Variants in ALPK2 observed in about 807,000 individuals in gnomAD.
ALPK2 encodes alpha-protein kinase 2.
A neutral mutation model predicts 163.1 loss-of-function variants in ALPK2; 127 were observed. The ratio of observed to expected loss-of-function variants is 0.78; its 90% CI spans 0.67 to 0.90. The LOEUF (loss-of-function observed/expected upper bound fraction) is 0.90. Among genes scored for constraint, ALPK2 ranks in the 40% least tolerant of loss-of-function variants. The pLI is 0.00. For synonymous variants in ALPK2, 953 were observed against 959.1 expected, an observed-to-expected ratio of 0.99 and a Z score of 0.12; for missense variants, 2,360 against 2,589.6, an observed-to-expected ratio of 0.91 and a Z score of 1.92.
intron 4 of ALPK2, among the ~76,000 whole-genome samples, chr18:58,539,542 A>T (rs775645940): frequency 2.6e-5 from 4 of 152,218 alleles, no homozygotes; most frequent in Non-Finnish European, 5.9e-5. Context: ...TGTCCAGCCA[A>T]GGAGAAGAAA....
intron 10 of ALPK2, among the ~76,000 whole-genome samples, chr18:58,513,200 TTATGTG>T (rs1358790135): frequency 5.3e-5 from 8 of 149,990 alleles, no homozygotes; most frequent in African/African-American, 2.0e-4. Flanking sequence ...GTGGGTGTGT[TTATGTG>T]TATGGTGAGT....
intron 12 of ALPK2, among the ~76,000 whole-genome samples, chr18:58,489,940 G>T (rs2051364160): frequency 1.3e-5 from 2 of 152,146 alleles, no homozygotes; most frequent in South Asian, 4.2e-4. Context: ...AATTAGCTGG[G>T]TGTGGTACCG....
intron 8 of ALPK2, among the ~76,000 whole-genome samples, chr18:58,518,663 G>A (rs2051534666): frequency 6.6e-6 from 1 of 152,140 alleles, no homozygotes; most frequent in Non-Finnish European, 1.5e-5. Context: ...GAAGAACAAA[G>A]GTTAATGACT....
chr18:58,491,230 A>G (rs1447930795), intron 12 of ALPK2, among the ~76,000 whole-genome samples: 2 of 152,256 alleles, frequency 1.3e-5, no homozygotes, highest in Non-Finnish European at 2.9e-5. Context: ...GCAGAGGCCA[A>G]ACTAACTTGG....
chr18:58,495,033 C>T (rs1328631796), intron 12 of ALPK2, among the ~76,000 whole-genome samples: 3 of 104,294 alleles, frequency 2.9e-5, no homozygotes, highest in African/African-American at 1.3e-4. Context: ...AAGCAGGCTG[C>T]CCCATGCCCC....
At chr18:58,617,166 G>T (rs2052174353) in intron 1 of ALPK2, among the ~76,000 whole-genome samples, 1 of 152,082 alleles carries the variant, frequency 6.6e-6, no homozygotes, top group Non-Finnish European at 1.5e-5. Flanking sequence ...ATTGTGGCAA[G>T]TTTCTTTTTA....
At chr18:58,565,818 G>A (rs1021637648) in intron 4 of ALPK2, among the ~76,000 whole-genome samples, 3 of 146,650 alleles carry the variant, frequency 2.0e-5, no homozygotes, top group Non-Finnish European at 4.5e-5. Context: ...TCTTTTTTGA[G>A]ATGGAGTCTT....
intron 4 of ALPK2, among the ~76,000 whole-genome samples, chr18:58,539,265 T>A (rs910464990): frequency 6.6e-6 from 1 of 151,970 alleles, no homozygotes; most frequent in Non-Finnish European, 1.5e-5. Flanking sequence ...TTAAAATAGA[T>A]GCCCAGTGGC....
intron 3 of ALPK2, among the ~76,000 whole-genome samples, chr18:58,599,760 C>T (rs1167634419): frequency 2.0e-5 from 3 of 152,152 alleles, no homozygotes; most frequent in Non-Finnish European, 4.4e-5. Context: ...AAATTCTTTG[C>T]ATGTGTTGAT....
At position 58,580,427 on chromosome 18, in the gene ALPK2, G is replaced by C; in HGVS notation, c.349C>G (p.Leu117Val). 1 of 1,614,138 alleles carries C rather than the reference G, an allele frequency of 6.2e-7. No individual in the cohort carries two copies. The highest frequency in any genetic ancestry group is 1.1e-5 in the South Asian group (1 of 91,082). The change falls in exon 4 of 13, where the codon CTG becomes GTG. Residue 117 changes from leucine to valine, a missense_variant. Coordinates refer to ENST00000361673, the MANE Select transcript of ALPK2 (RefSeq NM_052947.4). ...CAACCCCTGTCCCTGTCATCTTCCA[G>C]GTTAGGAGACAATTGTGGGTTCTCT... Reference protein sequence around the residue: ...SSENPQLSPNLEDDRDRGWKH... With the variant: ...SSENPQLSPNVEDDRDRGWKH...
At position 58,580,053 on chromosome 18, in the gene ALPK2, C is replaced by T. The variant is rs2051948848; in HGVS notation, c.723G>A (p.Lys241=). 4 of 1,614,154 alleles carry T rather than the reference C, an allele frequency of 2.5e-6. No homozygotes were observed. The East Asian group carries it at 6.7e-5, about 27-fold the overall frequency. The change falls in exon 4 of 13, where the codon AAG becomes AAA. Residue 241 remains lysine (K), a synonymous_variant. Transcript: ENST00000361673. ...CHKTVHSMAS[K]FTDGDLNNDG... The stretch of plus-strand genomic sequence containing the variant: ...CATTGTTCAGGTCACCATCCGTGAA[C>T]TTTGATGCCATGGAATGCACTGTCT...
chr18:58,569,462 T>A (rs1255226847), intron 4 of ALPK2, among the ~76,000 whole-genome samples: 2 of 152,194 alleles, frequency 1.3e-5, no homozygotes, highest in African/African-American at 2.4e-5. Flanking sequence ...GGACTGGGGC[T>A]ATTGGAACTT....
rs763111188 is a variant in ALPK2 at position 58,579,822 on chromosome 18, G to A, written c.954C>T (p.Tyr318=). 2.5e-6 allele frequency: 4 copies of A among 1,614,190 alleles called. No homozygotes were observed. In the East Asian group the frequency reaches 8.9e-5, roughly 36 times the overall value. ...GGTCATCATCTGAAAACTCCTCGGTGTAGGTTAGGGTTATCTCTGGGCAAA... is the reference window on the plus strand; with the variant it reads ...GGTCATCATCTGAAAACTCCTCGGTATAGGTTAGGGTTATCTCTGGGCAAA... The part of the protein sequence containing the change: ...YELCPEITLT[Y]TEEFSDDDLE... Residue 318 remains tyrosine (Y), a synonymous_variant, in exon 4 of 13, where the codon TAC becomes TAT. Transcript: ENST00000361673.
At position 58,516,975 on chromosome 18, in the gene ALPK2, T is replaced by C; in HGVS notation, c.5873A>G (p.Asn1958Ser). Residue 1958 changes from asparagine (N) to serine (S), a missense_variant, in exon 9 of 13, where the codon AAT (asparagine) becomes AGT (serine). By Grantham distance (46) the Asn-to-Ser change is conservative. Coordinates refer to ENST00000361673, the MANE Select transcript of ALPK2 (RefSeq NM_052947.4). ...ATTTCTGGTCCCATAGGCAATGGCA[T>C]TGTGCACCTTAAGCACACAGGCATG... ...PGHACVLKVH[N>S]AIAYGTRNND... 1 of 1,614,196 alleles carries C rather than the reference T, an allele frequency of 6.2e-7. No homozygotes were observed. Among genetic ancestry groups the C allele is most frequent in the Non-Finnish European group, 8.5e-7 (1 of 1,180,026 alleles).
In ALPK2 at chr18:58,516,197, G is replaced by A. The variant is rs1031825544; in HGVS notation, c.5940+711C>T. Among the ~76,000 whole-genome samples the A allele has an allele frequency of 2.6e-5, 4 of 151,786 alleles. No homozygotes were observed. The South Asian group carries it at 6.3e-4, about 24-fold the overall frequency. ...ATCATGCCACTGTACTCCAGCCTGG[G>A]GGAAAGAGTGAGACACTGTCTCAAA... is the stretch of plus-strand genomic sequence containing the variant. On this transcript the variant is annotated intron_variant, in intron 9 of 12. Transcript: ENST00000361673.
chr18:58,543,028 A>T (rs541427546), intron 4 of ALPK2, among the ~76,000 whole-genome samples: 1 of 152,186 alleles, frequency 6.6e-6, no homozygotes, highest in African/African-American at 2.4e-5. Context: ...AGAGGGATTA[A>T]TCCATTTATG....
intron 5 of ALPK2, among the ~76,000 whole-genome samples, chr18:58,531,671 G>A (rs1200210817): frequency 5.9e-5 from 8 of 136,354 alleles, no homozygotes; most frequent in South Asian, 4.6e-4. Flanking sequence ...AAAAAAGGAC[G>A]GGCATGCGGG....
rs1196543406 is a variant in ALPK2 at position 58,538,197 on chromosome 18, T to C, written c.1990A>G (p.Thr664Ala). The C allele has an allele frequency of 1.2e-6, 2 of 1,611,708 alleles. No homozygotes were observed. Among genetic ancestry groups the C allele is most frequent in the Non-Finnish European group, 8.5e-7 (1 of 1,179,988 alleles). Residue 664 changes from threonine (T) to alanine (A), a missense_variant, in exon 5 of 13, where the codon ACA becomes GCA. Coordinates refer to ENST00000361673, the MANE Select transcript of ALPK2 (RefSeq NM_052947.4). ...GCTGGCATCTGGCTGCAAGAGATTGTCTCTCTGACTGTTTCCTGAACTTGT... is the reference window on the plus strand; with the variant it reads ...GCTGGCATCTGGCTGCAAGAGATTGCCTCTCTGACTGTTTCCTGAACTTGT... ...QVQVQETVRE[T>A]ISCSQMPAFS...
chr18:58,623,397 A>G (rs1299899281), intron 1 of ALPK2, among the ~76,000 whole-genome samples: 2 of 152,050 alleles, frequency 1.3e-5, no homozygotes, highest in African/African-American at 2.4e-5. Flanking sequence ...AGTGTGCCTT[A>G]GAGATAAGGA....
Sources: gnomAD v4.1 joint callset for allele counts (sites outside exome capture counted in the v4.1 genomes callset) on GRCh38, gnomAD v4.1.1 for gene constraint, MANE v1.5 for transcripts, NCBI Gene and HGNC (gene_info 2026-07-23, HGNC 2026-07-21) for gene names.